Variants in NOVA1 observed in about 807,000 individuals in gnomAD.
The protein encoded by NOVA1 is RNA-binding protein Nova-1.
NOVA1 carries 7 observed loss-of-function variants against 38.0 expected under a neutral mutation model. The observed-to-expected ratio is 0.18, with a 90% confidence interval of 0.10 to 0.35. The LOEUF (loss-of-function observed/expected upper bound fraction) is 0.35, where lower values mean the gene tolerates loss of function less well. Among genes scored for constraint, NOVA1 ranks in the 10% least tolerant of loss-of-function variants. The pLI is 1.00. For missense variants in NOVA1, 460 were observed against 616.0 expected, an observed-to-expected ratio of 0.75 and a Z score of 2.68; for synonymous variants, 270 against 232.5, an observed-to-expected ratio of 1.16 and a Z score of -1.47.
At chr14:26,502,639 A>T (rs1228762448) in intron 2 of NOVA1, among the ~76,000 whole-genome samples, 4 of 151,058 alleles carry the variant, frequency 2.6e-5, no homozygotes, top group African/African-American at 9.7e-5. Flanking sequence ...ATAGTTAACT[A>T]TATTGCAGAA....
chr14:26,548,055 T>C (rs1890908208), intron 2 of NOVA1, among the ~76,000 whole-genome samples: 1 of 151,940 alleles, frequency 6.6e-6, no homozygotes, highest in Non-Finnish European at 1.5e-5. Context: ...TTATATTTCA[T>C]AACAATGGAG....
intron 4 of NOVA1, among the ~76,000 whole-genome samples, chr14:26,450,704 C>T (rs1191956777): frequency 6.6e-6 from 1 of 152,016 alleles, no homozygotes; most frequent in African/African-American, 2.4e-5. Flanking sequence ...TAATGTGTTA[C>T]AATTAGAAAG....
chr14:26,566,635 T>C (rs1398843326), intron 2 of NOVA1, among the ~76,000 whole-genome samples: 1 of 152,110 alleles, frequency 6.6e-6, no homozygotes, highest in African/African-American at 2.4e-5. Flanking sequence ...AATCCCATAA[T>C]ATGGCCAAGG....
At chr14:26,549,071 C>T (rs1425151522) in intron 2 of NOVA1, among the ~76,000 whole-genome samples, 1 of 152,056 alleles carries the variant, frequency 6.6e-6, no homozygotes, top group Non-Finnish European at 1.5e-5. Context: ...GCAGGAAGAT[C>T]GCTTAAGCCC....
intron 4 of NOVA1, among the ~76,000 whole-genome samples, chr14:26,459,402 T>C (rs534656457): frequency 6.6e-6 from 1 of 152,248 alleles, no homozygotes; most frequent in South Asian, 2.1e-4. Context: ...ACCAAGGGCC[T>C]AGGTGTGTAT....
intron 2 of NOVA1, among the ~76,000 whole-genome samples, chr14:26,540,938 TGTG>T (rs1197894083): frequency 6.6e-6 from 1 of 152,124 alleles, no homozygotes; most frequent in Non-Finnish European, 1.5e-5. Context: ...TATCACTTCT[TGTG>T]GTAAGTAATG....
chr14:26,596,551 C>T, intron 1 of NOVA1: 1 of 1,289,094 alleles, frequency 7.8e-7, no homozygotes, highest in Non-Finnish European at 1.0e-6. Context: ...GTCTACAATG[C>T]ATATGCTGGA....
At chr14:26,524,239 G>A (rs1889134956) in intron 2 of NOVA1, among the ~76,000 whole-genome samples, 1 of 152,118 alleles carries the variant, frequency 6.6e-6, no homozygotes, top group Admixed American at 6.5e-5. Flanking sequence ...AGAACAGGAT[G>A]GAAGCCAACC....
At chr14:26,459,546 TA>T (rs923288755) in intron 4 of NOVA1, among the ~76,000 whole-genome samples, 4 of 152,112 alleles carry the variant, frequency 2.6e-5, no homozygotes, top group Non-Finnish European at 5.9e-5. Flanking sequence ...TGACTGTAAA[TA>T]GTGAGTTGAT....
intron 2 of NOVA1, among the ~76,000 whole-genome samples, chr14:26,521,272 G>C (rs138458005): frequency 1.3e-5 from 2 of 152,102 alleles, no homozygotes; most frequent in African/African-American, 4.8e-5. Flanking sequence ...ACCTTACAAT[G>C]AGTTTACTGG....
At chr14:26,519,740 T>C (rs1594453358) in intron 2 of NOVA1, among the ~76,000 whole-genome samples, 2 of 152,176 alleles carry the variant, frequency 1.3e-5, no homozygotes, top group Admixed American at 6.5e-5. Flanking sequence ...TATAATCCTA[T>C]GACTGGGAAA....
In NOVA1 at chr14:26,484,932, G is replaced by T. The variant is rs1216933278; in HGVS notation, c.281-4789C>A. Among the ~76,000 whole-genome samples the T allele has an allele frequency of 2.0e-5, 3 of 151,738 alleles. No homozygotes were observed. The East Asian group carries it at 5.8e-4, about 29-fold the overall frequency. ...TATCATATTAGAAGCTGAAGGTACA[G>T]CAATGACCAAACAGGAAAAAAAAAA... On this transcript the variant is annotated intron_variant, in intron 2 of 4. Coordinates refer to ENST00000539517, the MANE Select transcript of NOVA1 (RefSeq NM_002515.3).
chr14:26,473,348 T>C (rs79779336), intron 3 of NOVA1, among the ~76,000 whole-genome samples: 3,667 of 151,994 alleles, frequency 0.024, 151 homozygotes, highest in African/African-American at 0.084. Context: ...CTAAGCAAAA[T>C]AGCATTGCTT....
chr14:26,569,202 C>T (rs1405025100), intron 2 of NOVA1, among the ~76,000 whole-genome samples: 1 of 152,026 alleles, frequency 6.6e-6, no homozygotes, highest in East Asian at 1.9e-4. Flanking sequence ...AATAAGTATT[C>T]TTAACACATT....
intron 2 of NOVA1, among the ~76,000 whole-genome samples, chr14:26,564,076 T>C (rs1197123662): frequency 6.6e-6 from 1 of 152,126 alleles, no homozygotes; most frequent in Admixed American, 6.6e-5. Flanking sequence ...CCTGGCAATT[T>C]AGTTCCAGAA....
intron 4 of NOVA1, among the ~76,000 whole-genome samples, chr14:26,455,561 C>G (rs1031310879): frequency 1.3e-5 from 2 of 151,956 alleles, no homozygotes; most frequent in African/African-American, 4.8e-5. Flanking sequence ...ATTACCCAGA[C>G]AATTTTCTAA....
intron 4 of NOVA1, 118 bp from the exon 5 acceptor site, chr14:26,449,081 CAG>C (rs1313490629): frequency 2.1e-6 from 2 of 930,514 alleles, no homozygotes; most frequent in Non-Finnish European, 3.1e-6. Context: ...ATTTATGAAA[CAG>C]AAATATCACA....
At chr14:26,489,540 AT>A (rs1167461065) in intron 2 of NOVA1, among the ~76,000 whole-genome samples, 1 of 151,632 alleles carries the variant, frequency 6.6e-6, no homozygotes, top group Admixed American at 6.6e-5. Flanking sequence ...AAATGTATTA[AT>A]TTTTTATAGT....
intron 4 of NOVA1, among the ~76,000 whole-genome samples, chr14:26,461,016 C>A (rs900880797): frequency 6.6e-6 from 1 of 152,134 alleles, no homozygotes; most frequent in Non-Finnish European, 1.5e-5. Flanking sequence ...TAAAGGCATG[C>A]ATAATGTTCT....
Sources: allele counts gnomAD v4.1 joint callset (sites outside exome capture counted in the v4.1 genomes callset), GRCh38; gene constraint gnomAD v4.1.1; transcripts MANE v1.5; gene names NCBI Gene and HGNC (gene_info 2026-07-23, HGNC 2026-07-21).